The following FAM90A20 variants were observed in gnomAD, a reference collection of about 807,000 sequenced individuals.
FAM90A20 encodes the protein family with sequence similarity 90 member A20.
At chr8:7,297,980 C>G in the FAM90A20 span, 2 of 679,460 alleles carry the variant, frequency 2.9e-6, no homozygotes, top group Non-Finnish European at 5.1e-6. Context: ...TGAGGACCTT[C>G]AGGTTTCCTC....
the FAM90A20 span, chr8:7,298,008 A>T: frequency 1.5e-6 from 1 of 680,348 alleles, no homozygotes. Context: ...GAGGACAGCG[A>T]TTCTGACCTG....
At chr8:7,297,331 G>C in the FAM90A20 span, 233 of 1,372,964 alleles carry the variant, frequency 1.7e-4, 72 homozygotes, top group African/African-American at 4.5e-3. Context: ...GCAGCCCTGA[G>C]GGTAGCTGCC....
At chr8:7,296,603 C>T in the FAM90A20 span, among the ~76,000 whole-genome samples, 17 of 135,328 alleles carry the variant, frequency 1.3e-4, 1 homozygote, top group Non-Finnish European at 2.3e-4. Context: ...TCTTTCTGTC[C>T]AATTATGGCA....
the FAM90A20 span, chr8:7,297,484 C>T: frequency 8.5e-6 from 13 of 1,538,084 alleles, 2 homozygotes; most frequent in East Asian, 4.5e-5. Flanking sequence ...CCAATCTCAG[C>T]TTTGGGTCAG....
chr8:7,297,031 C>T, the FAM90A20 span: 4 of 1,461,274 alleles, frequency 2.7e-6, no homozygotes, highest in East Asian at 9.7e-5. Flanking sequence ...TGCTGAGGAA[C>T]TTCTAACCTG....
the FAM90A20 span, chr8:7,295,720 G>A: frequency 2.1e-6 from 2 of 934,902 alleles, no homozygotes; most frequent in Non-Finnish European, 1.7e-6. Flanking sequence ...TGGTTCCAGC[G>A]ACCTTGGGGA....
the FAM90A20 span, chr8:7,297,139 T>C: frequency 6.6e-7 from 1 of 1,522,834 alleles, no homozygotes. Context: ...GTCGCTCAGC[T>C]ACCGAAATGT....
the FAM90A20 span, chr8:7,297,582 G>C: frequency 1.1e-5 from 16 of 1,508,030 alleles, 2 homozygotes; most frequent in South Asian, 1.6e-4. Flanking sequence ...ATCCCCGAAA[G>C]CACCATCCAG....
the FAM90A20 span, chr8:7,296,226 G>T: frequency 3.0e-6 from 2 of 671,044 alleles, no homozygotes; most frequent in Non-Finnish European, 2.7e-6. Context: ...GGCCCCAGAC[G>T]GGGTTCTCCC....
At chr8:7,296,410 C>A in the FAM90A20 span, 1 of 739,150 alleles carries the variant, frequency 1.4e-6, no homozygotes, top group Non-Finnish European at 2.5e-6. Flanking sequence ...GAGTGTCACC[C>A]CGGGCCCCTG....
chr8:7,297,524 C>G, the FAM90A20 span: 6 of 1,519,692 alleles, frequency 3.9e-6, no homozygotes, highest in South Asian at 3.4e-5. Flanking sequence ...GGCTCCGATT[C>G]AGGCTTGCCT....
the FAM90A20 span, chr8:7,297,872 C>T: frequency 2.5e-6 from 2 of 790,794 alleles, 1 homozygote; most frequent in South Asian, 2.8e-5. Context: ...CCCCTCATTT[C>T]ACTCTCCTGA....
chr8:7,297,234 G>C, the FAM90A20 span: 1 of 1,504,536 alleles, frequency 6.6e-7, no homozygotes, highest in Non-Finnish European at 9.0e-7. Flanking sequence ...CCAAAGGAAA[G>C]ACAGACAGGG....
chr8:7,296,362 G>T, the FAM90A20 span: 2 of 747,144 alleles, frequency 2.7e-6, no homozygotes, highest in Non-Finnish European at 4.8e-6. Flanking sequence ...GCTGCCGAAT[G>T]GAAAAGGATC....
the FAM90A20 span, chr8:7,297,385 G>A: frequency 2.0e-6 from 3 of 1,516,136 alleles, no homozygotes; most frequent in African/African-American, 2.0e-5. Flanking sequence ...GCCTGCTCCA[G>A]GCCGTCAGAA....
At chr8:7,297,166 C>G in the FAM90A20 span, 1 of 1,534,724 alleles carries the variant, frequency 6.5e-7, no homozygotes, top group Non-Finnish European at 8.8e-7. Flanking sequence ...GGGGCTCCGT[C>G]TTGGCTTCAC....
At chr8:7,297,373 C>G in the FAM90A20 span, 4 of 1,489,676 alleles carry the variant, frequency 2.7e-6, no homozygotes, top group Non-Finnish European at 3.7e-6. Flanking sequence ...CCAAAACCCA[C>G]GGCCTGCTCC....
the FAM90A20 span, chr8:7,297,026 A>C: frequency 6.9e-7 from 1 of 1,452,740 alleles, no homozygotes; most frequent in Non-Finnish European, 9.1e-7. Flanking sequence ...CTCCATGCTG[A>C]GGAACTTCTA....
the FAM90A20 span, among the ~76,000 whole-genome samples, chr8:7,296,023 G>T: frequency 7.7e-6 from 1 of 129,222 alleles, no homozygotes; most frequent in South Asian, 2.3e-4. Flanking sequence ...ATTCAGGGAC[G>T]GGGAGAGGCG....
Sources: allele counts gnomAD v4.1 joint callset (sites outside exome capture counted in the v4.1 genomes callset), GRCh38; gene constraint gnomAD v4.1.1; transcripts MANE v1.5; gene names NCBI Gene and HGNC (gene_info 2026-07-23, HGNC 2026-07-21).